Variants in COL6A5 observed in about 807,000 individuals in gnomAD.
COL6A5 encodes collagen alpha-5(VI) chain.
COL6A5 carries 48 observed loss-of-function variants against 65.6 expected under a neutral mutation model. The ratio of observed to expected loss-of-function variants is 0.73; its 90% CI spans 0.58 to 0.93. The LOEUF (loss-of-function observed/expected upper bound fraction) is 0.93. Ranked by LOEUF, COL6A5 falls within the 40% of genes least tolerant of loss-of-function variation. The probability of loss-of-function intolerance (pLI) is 0.00; values close to 1 mark genes in which losing one functional copy is unlikely to be tolerated. For missense variants in COL6A5, 914 were observed against 928.3 expected, an observed-to-expected ratio of 0.98 and a Z score of 0.20; for synonymous variants, 291 against 322.8, an observed-to-expected ratio of 0.90 and a Z score of 1.05.
chr3:130,483,986 G>A, intron 7 of COL6A5, 49 bp from the exon 41 acceptor site: 1 of 1,563,270 alleles, frequency 6.4e-7, no homozygotes, highest in Non-Finnish European at 8.7e-7. Context: ...GGAACATTTT[G>A]AACAAATACA....
upstream of COL6A5, among the ~76,000 whole-genome samples, chr3:130,431,078 C>T (rs1937781325): frequency 6.6e-6 from 1 of 152,130 alleles, no homozygotes; most frequent in South Asian, 2.1e-4. Context: ...TTAAATTTTA[C>T]ACACAGTAAA....
At position 130,423,914 on chromosome 3, in the gene COL6A5, TA is replaced by T; in HGVS notation, c.5163+16del. 6.5e-7 allele frequency: 1 copy of T among 1,538,708 alleles called. No individual in the cohort carries two copies. Among genetic ancestry groups the T allele is most frequent in the Non-Finnish European group, 8.8e-7 (1 of 1,135,804 alleles). ...CCTGGACAGAGAGTAAGTGTATCCATAAGAACTAAATAGGATATAGTAGTTT... is the reference window on the plus strand; with the variant it reads ...CCTGGACAGAGAGTAAGTGTATCCATAGAACTAAATAGGATATAGTAGTTT... On this transcript the variant is annotated intron_variant and NMD_transcript_variant, in intron 29 of 41. Transcript: ENST00000312481.
chr3:130,403,040 C>G (rs1577473169), intron 12 of COL6A5, among the ~76,000 whole-genome samples: 1 of 152,224 alleles, frequency 6.6e-6, no homozygotes, highest in East Asian at 1.9e-4. Flanking sequence ...AGAAGCACAA[C>G]CCCCCTGGTA....
exon 5 of COL6A5, chr3:130,385,283 G>T: frequency 1.3e-6 from 2 of 1,551,006 alleles, no homozygotes; most frequent in African/African-American, 2.7e-5. Context: ...TGGGAAAGAA[G>T]AAAGGGTTAG....
intron 7 of COL6A5, among the ~76,000 whole-genome samples, chr3:130,394,667 G>A (rs1437635399): frequency 6.6e-6 from 1 of 151,922 alleles, no homozygotes; most frequent in Non-Finnish European, 1.5e-5. Context: ...CTTTTCAAAT[G>A]GATTGTATAA....
Position 130,405,954 on chromosome 3 carries a change from T to C in COL6A5, c.4354-39T>C, listed in dbSNP as rs530879211. 7.1e-6 allele frequency: 11 copies of C among 1,546,566 alleles called. No individual in the cohort carries two copies. In the East Asian group the frequency reaches 2.4e-4, roughly 34 times the overall value. On this transcript the variant is annotated intron_variant and NMD_transcript_variant, in intron 14 of 41. Coordinates refer to the COL6A5 transcript ENST00000312481. ...AGGCAGTCTTTGAATCCACACTCTG[T>C]CTTTGATTTGTCAGTGAGAGATATT...
intron 1 of COL6A5, among the ~76,000 whole-genome samples, chr3:130,350,548 C>T (rs1448898755): frequency 6.6e-6 from 1 of 152,040 alleles, no homozygotes. Flanking sequence ...CACAAGTGAA[C>T]TCCCATTCAC....
chr3:130,447,458 T>C (rs1044403025), intron 4 of COL6A5, among the ~76,000 whole-genome samples: 4 of 152,134 alleles, frequency 2.6e-5, no homozygotes, highest in African/African-American at 7.2e-5. Context: ...CCAGCGGCAT[T>C]GACATGAGTG....
intron 17 of COL6A5, 109 bp downstream of exon 17, chr3:130,406,430 C>A: frequency 1.2e-6 from 1 of 826,224 alleles, no homozygotes; most frequent in Non-Finnish European, 2.0e-6. Context: ...ACTGACTTAA[C>A]CACATAATGA....
chr3:130,376,752 C>T (rs752654130), exon 3 of COL6A5: 2 of 1,613,638 alleles, frequency 1.2e-6, no homozygotes, highest in Non-Finnish European at 1.7e-6. Flanking sequence ...AATCAGAGAC[C>T]TCAGCACATT....
chr3:130,406,881 A>G lies in COL6A5; in HGVS notation c.4479+560A>G, dbSNP rs1937011968. 2.0e-5 allele frequency among the ~76,000 whole-genome samples: 3 copies of G among 152,330 alleles called. No individual in the cohort carries two copies. The South Asian group carries it at 6.2e-4, about 32-fold the overall frequency. On this transcript the variant is annotated intron_variant and NMD_transcript_variant, in intron 17 of 41. Coordinates refer to the COL6A5 transcript ENST00000312481. ...TCATTTGACAGGTTTGTCATGTGCCAGGCACCTGTCATTGGCCAGGCATAT... is the reference window on the plus strand; with the variant it reads ...TCATTTGACAGGTTTGTCATGTGCCGGGCACCTGTCATTGGCCAGGCATAT...
At chr3:130,418,753 G>A (rs1370011054) in intron 24 of COL6A5, 116 bp from the exon 25 acceptor site, 3 of 765,074 alleles carry the variant, frequency 3.9e-6, no homozygotes, top group Non-Finnish European at 4.6e-6. Context: ...TCCCCTTAGT[G>A]AGCACTGACC....
intron 1 of COL6A5, among the ~76,000 whole-genome samples, chr3:130,358,967 A>G (rs753724732): frequency 6.6e-6 from 1 of 152,224 alleles, no homozygotes; most frequent in African/African-American, 2.4e-5. Flanking sequence ...GATATAAAGA[A>G]GTACTATGCA....
At chr3:130,385,867 T>C (rs1936169220) in intron 5 of COL6A5, among the ~76,000 whole-genome samples, 1 of 152,068 alleles carries the variant, frequency 6.6e-6, no homozygotes, top group Non-Finnish European at 1.5e-5. Context: ...AGAATCCTTA[T>C]AAGTTGAGCA....
At chr3:130,440,348 T>C (rs1271152006) in exon 3 of COL6A5, 4 of 1,613,366 alleles carry the variant, frequency 2.5e-6, no homozygotes, top group Non-Finnish European at 3.4e-6. Context: ...AATCTCAGAC[T>C]CTGGTGATAG....
At chr3:130,477,125 CTA>C (rs1325062775) in intron 7 of COL6A5, 16 of 1,397,720 alleles carry the variant, frequency 1.1e-5, no homozygotes, top group African/African-American at 1.4e-5. Context: ...GATTCATACT[CTA>C]TGTTTATAGA....
At chr3:130,405,140 A>C (rs1190556333) in intron 13 of COL6A5, among the ~76,000 whole-genome samples, 1 of 152,118 alleles carries the variant, frequency 6.6e-6, no homozygotes, top group African/African-American at 2.4e-5. Context: ...TTGCTTTCTC[A>C]TTCTCCTAGT....
In COL6A5 at chr3:130,426,092, A is replaced by C. The variant is rs1937596523; in HGVS notation, c.5164-122A>C. On this transcript the variant is annotated intron_variant and NMD_transcript_variant, in intron 29 of 41. Transcript: ENST00000312481. ...AATCCACTGGGTTCAGGAATATTTT[A>C]ACTACTCTCTACCAGCTGTGCTTTT... is the stretch of plus-strand genomic sequence containing the variant. 17 of 865,696 alleles carry C rather than the reference A, an allele frequency of 2.0e-5. No homozygotes were observed. The East Asian group carries it at 4.5e-4, about 23-fold the overall frequency. 53.6% of individuals were successfully genotyped at this position (865,696 alleles called of 1,614,324 possible).
chr3:130,359,684 A>G (rs2107619585), intron 1 of COL6A5, among the ~76,000 whole-genome samples: 1 of 152,234 alleles, frequency 6.6e-6, no homozygotes, highest in African/African-American at 2.4e-5. Flanking sequence ...AAAAGTGTGT[A>G]GGACCCGCAG....
Sources: gnomAD v4.1 joint callset for allele counts (sites outside exome capture counted in the v4.1 genomes callset) on GRCh38, gnomAD v4.1.1 for gene constraint, MANE v1.5 for transcripts, NCBI Gene and HGNC (gene_info 2026-07-23, HGNC 2026-07-21) for gene names.